TRDN: variants seen among roughly 807,000 people sequenced by gnomAD.
TRDN encodes triadin.
TRDN carries 161 observed loss-of-function variants against 149.7 expected under a neutral mutation model. The observed-to-expected ratio is 1.08, with a 90% CI of 0.95 to 1.23. The LOEUF (loss-of-function observed/expected upper bound fraction) is 1.23. Ranked by LOEUF, TRDN falls within the 50% of genes most tolerant of loss-of-function variation. The pLI, the probability that TRDN is intolerant of heterozygous loss-of-function variation, is 0.00. For synonymous variants in TRDN, 294 were observed against 250.5 expected (o/e 1.17, Z -1.64); for missense variants, 896 against 823.5 (o/e 1.09, Z -1.08).
At chr6:123,628,824 A>G (rs1785812504) in intron 1 of TRDN, among the ~76,000 whole-genome samples, 1 of 152,086 alleles carries the variant, frequency 6.6e-6, no homozygotes, top group South Asian at 2.1e-4. Flanking sequence ...AATAGGTATT[A>G]AAATATTGAA....
At chr6:123,546,321 T>G (rs577340892) in intron 4 of TRDN, among the ~76,000 whole-genome samples, 1 of 152,208 alleles carries the variant, frequency 6.6e-6, no homozygotes, top group South Asian at 2.1e-4. Flanking sequence ...TAGCTCTTTT[T>G]TGCTGTGTAA....
chr6:123,295,033 G>C (rs1406502209), intron 24 of TRDN, among the ~76,000 whole-genome samples: 1 of 152,144 alleles, frequency 6.6e-6, no homozygotes, highest in Non-Finnish European at 1.5e-5. Context: ...AAATGAGGAA[G>C]GAGGCAGGAC....
At chr6:123,288,417 C>A (rs1442604648) in intron 24 of TRDN, among the ~76,000 whole-genome samples, 1 of 151,890 alleles carries the variant, frequency 6.6e-6, no homozygotes, top group African/African-American at 2.4e-5. Flanking sequence ...CTCTGCACAG[C>A]AAACGGAACA....
intron 1 of TRDN, among the ~76,000 whole-genome samples, chr6:123,631,991 A>G (rs1000878882): frequency 1.4e-4 from 21 of 152,142 alleles, no homozygotes; most frequent in Non-Finnish European, 2.8e-4. Flanking sequence ...ATAATTATTC[A>G]TTAAGGTTAT....
intron 31 of TRDN, among the ~76,000 whole-genome samples, chr6:123,268,456 T>G (rs925183819): frequency 6.6e-6 from 1 of 152,108 alleles, no homozygotes; most frequent in Non-Finnish European, 1.5e-5. Context: ...GAATTTAAAG[T>G]CAACCATATA....
At chr6:123,279,853 T>C (rs1777520012) in intron 24 of TRDN, among the ~76,000 whole-genome samples, 2 of 152,194 alleles carry the variant, frequency 1.3e-5, no homozygotes, top group Non-Finnish European at 2.9e-5. Flanking sequence ...TACTGCCTTC[T>C]TTTAATTTCA....
At chr6:123,571,254 C>T in intron 1 of TRDN, 122 bp from the exon 2 acceptor site, 2 of 1,014,116 alleles carry the variant, frequency 2.0e-6, no homozygotes. Flanking sequence ...AGCACAACTC[C>T]TTAGTGGCAG....
intron 10 of TRDN, chr6:123,445,229 T>G (rs1379272780): frequency 6.6e-6 from 1 of 152,154 alleles, no homozygotes; most frequent in Non-Finnish European, 1.5e-5. Flanking sequence ...AGATTCAACT[T>G]CTTCCTGGTT....
intron 20 of TRDN, among the ~76,000 whole-genome samples, chr6:123,358,229 A>G (rs564495693): frequency 6.6e-6 from 1 of 152,304 alleles, no homozygotes; most frequent in South Asian, 2.1e-4. Flanking sequence ...AGAAATCAAA[A>G]CTAATGTAAA....
At chr6:123,247,650 A>G (rs1352340850) in intron 38 of TRDN, among the ~76,000 whole-genome samples, 2 of 152,206 alleles carry the variant, frequency 1.3e-5, no homozygotes, top group Non-Finnish European at 2.9e-5. Context: ...GGAAGAATCA[A>G]TATCGTTAAA....
intron 1 of TRDN, among the ~76,000 whole-genome samples, chr6:123,579,721 C>T (rs1010107573): frequency 2.0e-5 from 3 of 152,108 alleles, no homozygotes; most frequent in Non-Finnish European, 2.9e-5. Flanking sequence ...CAAATCTCAT[C>T]TTAAATTGTA....
At chr6:123,401,129 C>T (rs1398524250) in intron 12 of TRDN, among the ~76,000 whole-genome samples, 3 of 152,172 alleles carry the variant, frequency 2.0e-5, no homozygotes, top group Non-Finnish European at 4.4e-5. Context: ...CACAAAATTA[C>T]GCAGACTTCT....
intron 1 of TRDN, among the ~76,000 whole-genome samples, chr6:123,572,668 A>G (rs1446728211): frequency 6.6e-6 from 1 of 152,162 alleles, no homozygotes; most frequent in Non-Finnish European, 1.5e-5. Flanking sequence ...AAGGGAAAAT[A>G]AAACTCTACC....
intron 10 of TRDN, chr6:123,462,431 G>A (rs765590413): frequency 3.3e-5 from 5 of 152,122 alleles, no homozygotes; most frequent in Non-Finnish European, 7.4e-5. Flanking sequence ...CTTTAAAGAC[G>A]TGTAGTATTG....
intron 14 of TRDN, among the ~76,000 whole-genome samples, chr6:123,383,653 A>T (rs1168633459): frequency 3.9e-5 from 6 of 152,114 alleles, no homozygotes; most frequent in Non-Finnish European, 7.4e-5. Context: ...ACTAAATAAG[A>T]TAAATTAAAT....
rs1477552042 is a variant in TRDN, at chr6:123,622,336, CACACACACACAG to C, written c.22+14406_22+14417del. ...ATATACAGACACACACACACACACA[CACACACACACAG>C]GCACACGCACACACATATAACATAC... On this transcript the variant is annotated intron_variant, in intron 1 of 40. Coordinates refer to ENST00000334268, the MANE Select transcript of TRDN (RefSeq NM_006073.4). Among the ~76,000 whole-genome samples, 652 of 132,346 alleles carry C rather than the reference CACACACACACAG, an allele frequency of 4.9e-3. 7 individuals are homozygous for C. Among genetic ancestry groups the C allele is most frequent in the South Asian group, 0.018 (71 of 3,912 alleles). The allele number at this position is 132,346 out of a possible 152,430, so 86.8% of individuals were successfully genotyped here. A position where few individuals can be genotyped will look rare whatever the true frequency, so the allele number is the denominator to read the frequency against.
chr6:123,402,296 C>G (rs1773012297), intron 12 of TRDN, among the ~76,000 whole-genome samples: 2 of 152,196 alleles, frequency 1.3e-5, no homozygotes, highest in Admixed American at 1.3e-4. Context: ...AGGCAGCCAA[C>G]TGATCAGACC....
chr6:123,248,304 C>T (rs1290253668), intron 38 of TRDN, among the ~76,000 whole-genome samples: 1 of 152,162 alleles, frequency 6.6e-6, no homozygotes, highest in Non-Finnish European at 1.5e-5. Context: ...AGCCTGTAAT[C>T]CCAGCACTTT....
intron 4 of TRDN, among the ~76,000 whole-genome samples, chr6:123,535,012 T>C (rs1266902933): frequency 6.6e-6 from 1 of 152,180 alleles, no homozygotes; most frequent in Non-Finnish European, 1.5e-5. Context: ...CTAGTTGGAA[T>C]CATAAGCCAT....
Sources: gnomAD v4.1 joint callset for allele counts (sites outside exome capture counted in the v4.1 genomes callset) on GRCh38, gnomAD v4.1.1 for gene constraint, MANE v1.5 for transcripts, NCBI Gene and HGNC (gene_info 2026-07-23, HGNC 2026-07-21) for gene names.